WNK2: variants seen among roughly 807,000 people sequenced by gnomAD.
The protein encoded by WNK2 is WNK lysine deficient protein kinase 2.
Under a neutral mutation model 192.1 loss-of-function variants are expected in WNK2, and 67 were observed. That is an observed-to-expected ratio of 0.35 (90% CI 0.29 to 0.43). The LOEUF is 0.43. WNK2 is among the 20% of genes least tolerant of loss of function. The probability of loss-of-function intolerance (pLI) is 1.00; values close to 1 mark genes in which losing one functional copy is unlikely to be tolerated. For missense variants in WNK2, 2,698 were observed against 3,089.7 expected (o/e 0.87, Z 3.01); for synonymous variants, 1,439 against 1,393.9 (o/e 1.03, Z -0.72).
chr9:93,242,833 G>A (rs796873383), intron 7 of WNK2, among the ~76,000 whole-genome samples: 2 of 152,356 alleles, frequency 1.3e-5, no homozygotes, highest in African/African-American at 4.8e-5. Context: ...TCCTGGTGCT[G>A]AGGTCTGGGC....
At chr9:93,253,370 AC>A (rs1418629909) in intron 9 of WNK2, among the ~76,000 whole-genome samples, 1 of 151,224 alleles carries the variant, frequency 6.6e-6, no homozygotes, top group Non-Finnish European at 1.5e-5. Flanking sequence ...TGGAAAACAG[AC>A]CCCAGGGCAC....
chr9:93,258,828 G>T, intron 11 of WNK2, 103 bp from the exon 12 acceptor site: 1 of 1,007,868 alleles, frequency 9.9e-7, no homozygotes. Flanking sequence ...TCTTCATCCC[G>T]TGTCCCCTCG....
intron 19 of WNK2, among the ~76,000 whole-genome samples, chr9:93,275,933 A>G (rs912706675): frequency 6.6e-6 from 1 of 152,246 alleles, no homozygotes; most frequent in Non-Finnish European, 1.5e-5. Flanking sequence ...ACTACAAAGT[A>G]CCGATGAAAT....
intron 2 of WNK2, among the ~76,000 whole-genome samples, chr9:93,212,717 G>C (rs1483162604): frequency 2.6e-5 from 4 of 152,134 alleles, no homozygotes; most frequent in Admixed American, 6.5e-5. Context: ...TAGAAGTCCT[G>C]TCTCAAGGTC....
intron 2 of WNK2, among the ~76,000 whole-genome samples, chr9:93,195,611 A>G (rs1018403830): frequency 2.7e-5 from 4 of 146,338 alleles, no homozygotes; most frequent in Non-Finnish European, 3.0e-5. Flanking sequence ...AGGCATTAGA[A>G]TCGCTTGAAC....
At chr9:93,287,373 TCA>T (rs2133758940) in intron 19 of WNK2, among the ~76,000 whole-genome samples, 1 of 152,248 alleles carries the variant, frequency 6.6e-6, no homozygotes, top group African/African-American at 2.4e-5. Context: ...GCACTGTGCC[TCA>T]GTGTTAGTCG....
At chr9:93,268,551 G>C (rs1845525970) in intron 18 of WNK2, 76 bp from the exon 19 acceptor site, 1 of 1,554,392 alleles carries the variant, frequency 6.4e-7, no homozygotes, top group Non-Finnish European at 8.7e-7. Flanking sequence ...GGCAAGTCTG[G>C]TGCAGGTGAT....
rs556092878 is a variant in WNK2, at chr9:93,264,021, T to C, written c.3684T>C (p.Ile1228=). Residue 1228 remains isoleucine, a synonymous_variant, in exon 16 of 30, where the codon ATT becomes ATC. Coordinates refer to ENST00000427277, the MANE Select transcript of WNK2 (RefSeq NM_006648.4). The part of the protein sequence containing the change: ...FDLDGDAPDE[I]ATYMVEHDFI... ...TGGACGGGGACGCACCCGATGAAAT[T>C]GCCACGTATATGGTGAGGCTGGGTC... The C allele has an allele frequency of 3.1e-6, 5 of 1,612,568 alleles. No homozygotes were observed. The Admixed American group carries it at 6.7e-5, about 22-fold the overall frequency.
chr9:93,262,124 C>G lies in WNK2; in HGVS notation c.3360+17C>G, dbSNP rs765279926. 30 of 1,561,204 alleles carry G rather than the reference C, an allele frequency of 1.9e-5. No individual in the cohort carries two copies. The highest frequency in any genetic ancestry group is 2.5e-5 in the Non-Finnish European group (29 of 1,147,892). ...GTCCAAGAGGTGTGTGCCCCTCCCCCCAGCCTGTCCCATGACTGGGCAGTT... is the reference window on the plus strand; with the variant it reads ...GTCCAAGAGGTGTGTGCCCCTCCCCGCAGCCTGTCCCATGACTGGGCAGTT... On this transcript the variant is annotated intron_variant, in intron 13 of 29. Coordinates refer to ENST00000427277, the MANE Select transcript of WNK2 (RefSeq NM_006648.4).
At chr9:93,216,985 A>G (rs1835858624) in intron 2 of WNK2, among the ~76,000 whole-genome samples, 2 of 151,566 alleles carry the variant, frequency 1.3e-5, no homozygotes, top group Admixed American at 6.6e-5. Context: ...TTTGAGACGA[A>G]GTCTTGCTCT....
Position 93,184,276 on chromosome 9 carries a change from C to A in WNK2, c.-112C>A, listed in dbSNP as rs990899013. Among the ~76,000 whole-genome samples the A allele has an allele frequency of 1.3e-5, 2 of 151,172 alleles. No individual in the cohort carries two copies. Among genetic ancestry groups the A allele is most frequent in the African/African-American group, 2.4e-5 (1 of 41,326 alleles). ...GCTGGAGCGGCGCCACGGCCCCCAC[C>A]CCAGCGCGGACCTCGCCCGGAACTC... is the stretch of plus-strand genomic sequence containing the variant. On this transcript the variant is annotated 5_prime_UTR_variant, in exon 1 of 30. Transcript: ENST00000427277.
chr9:93,191,367 T>C (rs1488995415), intron 2 of WNK2, among the ~76,000 whole-genome samples: 1 of 152,052 alleles, frequency 6.6e-6, no homozygotes, highest in Non-Finnish European at 1.5e-5. Flanking sequence ...GTTGACTCAG[T>C]GAGCATTTGT....
rs1838370896 is a variant in WNK2, at chr9:93,229,493, T to G, written c.682-203T>G. Among the ~76,000 whole-genome samples, 1 of 152,108 alleles carries G rather than the reference T, an allele frequency of 6.6e-6. No individual in the cohort carries two copies. Among genetic ancestry groups the G allele is most frequent in the Non-Finnish European group, 1.5e-5 (1 of 68,008 alleles). Reference sequence around the variant, plus strand: ...ATGTCTTTTTGCTGAGGTCCCTTTTTGGGGGCTGTGTCCAGGGTTGTGGGG... The same window carrying G: ...ATGTCTTTTTGCTGAGGTCCCTTTTGGGGGGCTGTGTCCAGGGTTGTGGGG... On this transcript the variant is annotated intron_variant, in intron 2 of 29. Coordinates refer to ENST00000427277, the MANE Select transcript of WNK2 (RefSeq NM_006648.4). The surrounding 1 kb of genome is among the most constrained non-coding windows in gnomAD (Gnocchi z 4.9).
In WNK2 at chr9:93,263,684, G is replaced by A. The variant is rs368337984; in HGVS notation, c.3529G>A (p.Ala1177Thr). The A allele has an allele frequency of 1.9e-6, 3 of 1,567,832 alleles. No individual in the cohort carries two copies. Among genetic ancestry groups the A allele is most frequent in the Non-Finnish European group, 2.6e-6 (3 of 1,162,894 alleles). ...ARKHHRRSTR[A>T]RSRQERASRP... is the part of the protein sequence containing the mutation. ...AAAACACCACCGCAGGTCCACGCGT[G>A]CGCGCTCCCGGCAGGAGAGGGCCAG... Residue 1177 changes from alanine (A) to threonine (T), a missense_variant, in exon 15 of 30, where the codon GCG (alanine) becomes ACG (threonine). Ala to Thr is a moderately conservative substitution (Grantham distance 58). This residue lies in a region of WNK2 where 893 missense variants were observed against 909.0 expected (regional missense o/e 0.98). Transcript: ENST00000427277.
At chr9:93,297,084 G>C in intron 23 of WNK2, among the ~76,000 whole-genome samples, 1 of 121,640 alleles carries the variant, frequency 8.2e-6, no homozygotes, top group Non-Finnish European at 1.7e-5. Flanking sequence ...CCTCTTCTCG[G>C]CTTCCTCCCC....
In WNK2 at chr9:93,292,117, G is replaced by A. The variant is rs188681406; in HGVS notation, c.4937-191G>A. Among the ~76,000 whole-genome samples, 10 of 152,214 alleles carry A rather than the reference G, an allele frequency of 6.6e-5. 1 individual carries two copies. The East Asian group carries it at 1.7e-3, about 26-fold the overall frequency. ...GCCAAGACATCATGGAGTATTTTTAGTTTCCAAAACTGCTGTTTCCAAAAC... is the reference window on the plus strand; with the variant it reads ...GCCAAGACATCATGGAGTATTTTTAATTTCCAAAACTGCTGTTTCCAAAAC... On this transcript the variant is annotated intron_variant, in intron 21 of 29. Transcript: ENST00000427277.
intron 29 of WNK2, chr9:93,319,010 T>G: frequency 6.6e-7 from 1 of 1,521,308 alleles, no homozygotes; most frequent in South Asian, 1.3e-5. Context: ...CAGAATCTTC[T>G]GCCAGGGCAC....
rs369400648 is a variant in WNK2 at position 93,300,042 on chromosome 9, C to T, written c.6116-9C>T. ...CTCTTTGTTTTCTTCCCTTTATATTCATTTGCAGGCTGGACGGTTTACCAC... is the reference window on the plus strand; with the variant it reads ...CTCTTTGTTTTCTTCCCTTTATATTTATTTGCAGGCTGGACGGTTTACCAC... On this transcript the variant is annotated splice_polypyrimidine_tract_variant and intron_variant, in intron 25 of 29. Coordinates refer to ENST00000427277, the MANE Select transcript of WNK2 (RefSeq NM_006648.4). The T allele has an allele frequency of 9.6e-5, 154 of 1,611,310 alleles. No homozygotes were observed. The highest frequency in any genetic ancestry group is 1.3e-4 in the Non-Finnish European group (153 of 1,178,270).
intron 19 of WNK2, among the ~76,000 whole-genome samples, chr9:93,270,237 C>A (rs73527643): frequency 6.6e-6 from 1 of 152,154 alleles, no homozygotes; most frequent in African/African-American, 2.4e-5. Context: ...CTCATTAGGA[C>A]GGTCTTGGAG....
Sources: allele counts gnomAD v4.1 joint callset (sites outside exome capture counted in the v4.1 genomes callset), GRCh38; gene constraint gnomAD v4.1.1; regional missense constraint gnomAD v4.1.1; non-coding constraint Gnocchi (gnomAD v3.1); transcripts MANE v1.5; gene names NCBI Gene and HGNC (gene_info 2026-07-23, HGNC 2026-07-21).